Variants in RRH observed in about 807,000 individuals in gnomAD.
RRH encodes retinal pigment epithelium-derived rhodopsin homolog, also known as visual pigment-like receptor peropsin.
In RRH, 36 loss-of-function variants were observed where a neutral mutation model predicts 33.1. That is an observed-to-expected ratio of 1.09 (90% CI 0.83 to 1.44). The LOEUF is 1.44. Among genes scored for constraint, RRH ranks in the 40% most tolerant of loss-of-function variants. The pLI, the probability that RRH is intolerant of heterozygous loss-of-function variation, is 0.00. For synonymous variants in RRH, 124 were observed against 140.2 expected, an observed-to-expected ratio of 0.88 and a Z score of 0.82; for missense variants, 393 against 420.2, an observed-to-expected ratio of 0.94 and a Z score of 0.57.
intron 1 of RRH, 27 bp from the exon 2 acceptor site, chr4:109,833,112 G>A (rs1296961252): frequency 2.3e-5 from 36 of 1,563,520 alleles, no homozygotes; most frequent in Non-Finnish European, 3.0e-5. Flanking sequence ...TAAACAAAAT[G>A]CATCATATTT....
At chr4:109,833,578 C>T (rs10022841) in intron 2 of RRH, among the ~76,000 whole-genome samples, 35,016 of 151,880 alleles carry the variant, frequency 0.23, 5,054 homozygotes, top group East Asian at 0.43. Context: ...AGCATTCAAC[C>T]AAAGGAGAAG....
At chr4:109,831,302 G>A (rs574595160) in intron 1 of RRH, among the ~76,000 whole-genome samples, 33 of 152,218 alleles carry the variant, frequency 2.2e-4, no homozygotes, top group Admixed American at 1.9e-3. Flanking sequence ...TAGGGCCAAA[G>A]AATCATCAAA....
At chr4:109,830,891 A>C (rs1560583241) in intron 1 of RRH, among the ~76,000 whole-genome samples, 1 of 152,166 alleles carries the variant, frequency 6.6e-6, no homozygotes, top group Admixed American at 6.6e-5. Flanking sequence ...GACAAGAAGG[A>C]AAATGTTTCA....
At position 109,835,404 on chromosome 4, in the gene RRH, C is replaced by T. The variant is rs763177219; in HGVS notation, c.336C>T (p.Ser112=). The T allele has an allele frequency of 1.9e-6, 3 of 1,614,012 alleles. No homozygotes were observed. Among genetic ancestry groups the T allele is most frequent in the Non-Finnish European group, 2.5e-6 (3 of 1,179,984 alleles). Residue 112 remains serine, a synonymous_variant, in exon 3 of 7, where the codon AGC becomes AGT. Transcript: ENST00000317735. ...TGAATATTTTTTTTGGAATGGCAAG[C>T]ATTGGATTACTCACGGTCGTGGCTG... ...AGLNIFFGMA[S]IGLLTVVAVD...
chr4:109,833,821 C>A (rs1270874674), intron 2 of RRH, among the ~76,000 whole-genome samples: 2 of 137,432 alleles, frequency 1.5e-5, no homozygotes, highest in Non-Finnish European at 3.3e-5. Context: ...AGACAGTAAG[C>A]AAATATTACT....
chr4:109,831,272 A>C (rs1733745318), intron 1 of RRH, among the ~76,000 whole-genome samples: 1 of 152,190 alleles, frequency 6.6e-6, no homozygotes, highest in Non-Finnish European at 1.5e-5. Flanking sequence ...TATACATGCT[A>C]CAATCCTAGA....
intron 5 of RRH, 86 bp from the exon 6 acceptor site, chr4:109,842,383 C>G (rs1734000638): frequency 8.0e-7 from 1 of 1,249,844 alleles, no homozygotes; most frequent in Non-Finnish European, 1.1e-6. Context: ...CAAATTCCAA[C>G]CCAGATAGAT....
chr4:109,833,430 A>C lies in RRH; in HGVS notation c.297+101A>C, dbSNP rs555665424. 183 of 905,152 alleles carry C rather than the reference A, an allele frequency of 2.0e-4. 1 individual carries two copies. Among genetic ancestry groups the C allele is most frequent in the Non-Finnish European group, 3.1e-4 (176 of 565,428 alleles). The allele number at this position is 905,152 out of a possible 1,614,324, so 56.1% of individuals were successfully genotyped here. A position where few individuals can be genotyped will look rare whatever the true frequency, so the allele number is the denominator to read the frequency against. The stretch of plus-strand genomic sequence containing the variant: ...CAAGAGTTTAAATTGAATATTGTAG[A>C]ATAATAGATACAGTGCTTTTATGGA... On this transcript the variant is annotated intron_variant, in intron 2 of 6. Coordinates refer to ENST00000317735, the MANE Select transcript of RRH (RefSeq NM_006583.5).
At chr4:109,837,376 T>G in intron 4 of RRH, 61 bp from the exon 5 acceptor site, 1 of 1,370,030 alleles carries the variant, frequency 7.3e-7, no homozygotes, top group Non-Finnish European at 1.0e-6. Flanking sequence ...TATCTCCTCT[T>G]TCTCCTTCCC....
rs958611019 is a variant in RRH, at chr4:109,837,323, A to G, written c.552-114A>G. 21 of 979,752 alleles carry G rather than the reference A, an allele frequency of 2.1e-5. No individual in the cohort carries two copies. The Admixed American group carries it at 2.5e-4, about 11-fold the overall frequency. The allele number at this position is 979,752 out of a possible 1,614,324, so 60.7% of individuals were successfully genotyped here. On this transcript the variant is annotated intron_variant, in intron 4 of 6. Transcript: ENST00000317735. ...ACTAAAAGTCAAATATACTTCTAAA[A>G]TTATTTAGCAATATAATGACTACCA...
intron 1 of RRH, among the ~76,000 whole-genome samples, chr4:109,829,205 A>G (rs1733698185): frequency 6.6e-6 from 1 of 152,192 alleles, no homozygotes; most frequent in Non-Finnish European, 1.5e-5. Flanking sequence ...CTTATAATTC[A>G]GCGTATTACT....
At chr4:109,838,597 G>C (rs1236056704) in intron 5 of RRH, among the ~76,000 whole-genome samples, 1 of 151,998 alleles carries the variant, frequency 6.6e-6, no homozygotes, top group African/African-American at 2.4e-5. Flanking sequence ...AATTTTTTAA[G>C]ACTTTGCATG....
chr4:109,837,590 G>A lies in RRH; in HGVS notation c.705G>A (p.Gln235=). 1.9e-6 allele frequency: 3 copies of A among 1,613,842 alleles called. No homozygotes were observed. The highest frequency in any genetic ancestry group is 2.5e-6 in the Non-Finnish European group (3 of 1,179,792). The change falls in exon 5 of 7, where the codon CAG becomes CAA. Residue 235 remains glutamine (Q), a synonymous_variant. Coordinates refer to ENST00000317735, the MANE Select transcript of RRH (RefSeq NM_006583.5). ...CCCTCAACAGAGACTGGTCAGATCA[G>A]ATAGATGTAACAAAGGTAAGAGATC... The part of the protein sequence containing the change: ...TESLNRDWSD[Q]IDVTKMSVIM...
At chr4:109,831,669 A>ATATTTC (rs1245519607) in intron 1 of RRH, among the ~76,000 whole-genome samples, 1 of 152,142 alleles carries the variant, frequency 6.6e-6, no homozygotes, top group Non-Finnish European at 1.5e-5. Context: ...TGAGTCAAGC[A>ATATTTC]TGGTGTATCT....
intron 1 of RRH, among the ~76,000 whole-genome samples, chr4:109,830,788 A>G (rs1397720545): frequency 2.0e-5 from 3 of 152,160 alleles, no homozygotes; most frequent in Non-Finnish European, 4.4e-5. Flanking sequence ...AGGTTGGACA[A>G]TGCACATATT....
intron 5 of RRH, among the ~76,000 whole-genome samples, chr4:109,840,435 A>T (rs1023602728): frequency 6.6e-6 from 1 of 152,050 alleles, no homozygotes; most frequent in African/African-American, 2.4e-5. Context: ...TACTCTGTTT[A>T]TAGTTTCTTT....
At chr4:109,835,520 T>G in intron 3 of RRH, 55 bp downstream of exon 3, 1 of 1,140,774 alleles carries the variant, frequency 8.8e-7, no homozygotes, top group Non-Finnish European at 1.3e-6. Flanking sequence ...TAATGGCCAC[T>G]CAATATATAT....
chr4:109,832,495 A>ACTGTGT (rs1553921263), intron 1 of RRH, among the ~76,000 whole-genome samples: 6 of 135,180 alleles, frequency 4.4e-5, no homozygotes, highest in Non-Finnish European at 7.8e-5. Context: ...CTATTGGGGT[A>ACTGTGT]GTGTGTGTGT....
chr4:109,828,522 G>A (rs1400652128), intron 1 of RRH, among the ~76,000 whole-genome samples: 1 of 151,794 alleles, frequency 6.6e-6, no homozygotes, highest in South Asian at 2.1e-4. Context: ...ATGCACCATG[G>A]CAAAAACATA....
Sources: gnomAD v4.1 joint callset for allele counts (sites outside exome capture counted in the v4.1 genomes callset) on GRCh38, gnomAD v4.1.1 for gene constraint, MANE v1.5 for transcripts, NCBI Gene and HGNC (gene_info 2026-07-23, HGNC 2026-07-21) for gene names.